The following ANXA13 variants were observed in gnomAD, a reference collection of about 807,000 sequenced individuals.
The protein encoded by ANXA13 is annexin XIII.
In ANXA13, 36 loss-of-function variants were observed where a neutral mutation model predicts 46.6. The ratio of observed to expected loss-of-function variants is 0.77; its 90% CI spans 0.59 to 1.02. The LOEUF (loss-of-function observed/expected upper bound fraction) is 1.02, where lower values mean the gene tolerates loss of function less well. Among genes scored for constraint, ANXA13 ranks in the 50% least tolerant of loss-of-function variants. ANXA13 has a pLI of 0.00. For synonymous variants in ANXA13, 163 were observed against 152.9 expected, an observed-to-expected ratio of 1.07 and a Z score of -0.49; for missense variants, 417 against 396.5, an observed-to-expected ratio of 1.05 and a Z score of -0.44.
At chr8:123,709,196 G>T (rs1417943958) in intron 2 of ANXA13, among the ~76,000 whole-genome samples, 1 of 152,164 alleles carries the variant, frequency 6.6e-6, no homozygotes, top group Non-Finnish European at 1.5e-5. Context: ...CGATCCACAT[G>T]CAACGAGGGC....
At chr8:123,722,774 G>A (rs532637652) in intron 1 of ANXA13, among the ~76,000 whole-genome samples, 1 of 152,298 alleles carries the variant, frequency 6.6e-6, no homozygotes, top group South Asian at 2.1e-4. Context: ...TGGACAGGGA[G>A]GTTTCATTAT....
chr8:123,712,524 T>C lies in ANXA13; in HGVS notation c.91+154A>G, dbSNP rs1045000699. 1.2e-5 allele frequency: 8 copies of C among 684,714 alleles called. No homozygotes were observed. In the African/African-American group the frequency reaches 1.4e-4, roughly 12 times the overall value. 42.4% of individuals were successfully genotyped at this position (684,714 alleles called of 1,614,324 possible). ...AGGATCCTACTGTAATTTTGCGAAC[T>C]TTAATAAAGAGGTTAGTGGAAGTGA... On this transcript the variant is annotated intron_variant, in intron 2 of 10. Coordinates refer to ENST00000419625, the MANE Select transcript of ANXA13 (RefSeq NM_004306.4).
intron 1 of ANXA13, among the ~76,000 whole-genome samples, chr8:123,723,982 G>A (rs184358228): frequency 3.9e-5 from 6 of 152,230 alleles, no homozygotes; most frequent in Admixed American, 2.0e-4. Context: ...TCCTGGTCTT[G>A]CTCCCAGTTT....
At chr8:123,694,681 T>C (rs773678266) in intron 6 of ANXA13, among the ~76,000 whole-genome samples, 5 of 152,204 alleles carry the variant, frequency 3.3e-5, no homozygotes, top group Admixed American at 1.3e-4. Flanking sequence ...TTTCAGCCTG[T>C]TGATAACCTG....
At chr8:123,722,563 C>T (rs1252026000) in intron 1 of ANXA13, among the ~76,000 whole-genome samples, 2 of 152,116 alleles carry the variant, frequency 1.3e-5, no homozygotes, top group Admixed American at 6.5e-5. Context: ...GAAGTCACCG[C>T]TATTTGCAAG....
chr8:123,713,443 T>C (rs1366957213), intron 1 of ANXA13, among the ~76,000 whole-genome samples: 1 of 152,236 alleles, frequency 6.6e-6, no homozygotes, highest in Non-Finnish European at 1.5e-5. Context: ...TGCTTATTAT[T>C]TTCTTTTAAA....
At chr8:123,693,007 AC>A (rs1813268030) in intron 8 of ANXA13, among the ~76,000 whole-genome samples, 189 bp downstream of exon 8, 1 of 151,434 alleles carries the variant, frequency 6.6e-6, no homozygotes, top group Non-Finnish European at 1.5e-5. Flanking sequence ...CAGGGCCACC[AC>A]CCCCAGCTGT....
intron 3 of ANXA13, among the ~76,000 whole-genome samples, chr8:123,701,041 C>T (rs777663790): frequency 6.6e-5 from 10 of 152,144 alleles, no homozygotes; most frequent in Non-Finnish European, 1.5e-4. Context: ...AACTCCTGGG[C>T]TCAAGTGATC....
intron 3 of ANXA13, among the ~76,000 whole-genome samples, chr8:123,699,064 T>C (rs779769982): frequency 6.6e-6 from 1 of 152,222 alleles, no homozygotes; most frequent in Non-Finnish European, 1.5e-5. Flanking sequence ...AGGATTGTCA[T>C]GGGAAGAACG....
intron 1 of ANXA13, chr8:123,735,638 T>C: frequency 7.9e-7 from 1 of 1,261,544 alleles, no homozygotes; most frequent in Non-Finnish European, 1.0e-6. Context: ...AAGTCACACC[T>C]GATGATGGCT....
chr8:123,687,236 C>T lies in ANXA13; in HGVS notation c.718+1635G>A, dbSNP rs528825532. Among the ~76,000 whole-genome samples the T allele has an allele frequency of 1.8e-4, 27 of 152,220 alleles. No individual in the cohort carries two copies. In the South Asian group the frequency reaches 2.1e-3, roughly 12 times the overall value. ...TTCTGACTGCACTCTGGTGTTTTCC[C>T]GATTCTCACAATGCAGGTATAGCAA... On this transcript the variant is annotated intron_variant, in intron 9 of 10. Transcript: ENST00000419625.
intron 1 of ANXA13, among the ~76,000 whole-genome samples, chr8:123,721,916 C>G (rs1323009403): frequency 6.6e-6 from 1 of 152,146 alleles, no homozygotes; most frequent in Non-Finnish European, 1.5e-5. Flanking sequence ...GATTCAAACC[C>G]ATGCAGTCTG....
intron 9 of ANXA13, 145 bp from the exon 10 acceptor site, chr8:123,684,867 C>A (rs536641648): frequency 3.2e-6 from 2 of 629,752 alleles, no homozygotes; most frequent in South Asian, 1.9e-5. Flanking sequence ...GACACCGTTG[C>A]GAAATGAGAT....
intron 1 of ANXA13, chr8:123,728,733 G>C (rs1814050483): frequency 6.6e-6 from 1 of 152,192 alleles, no homozygotes; most frequent in African/African-American, 2.4e-5. Flanking sequence ...GCAAATTTCT[G>C]TCTCAATCAG....
chr8:123,711,898 C>T (rs987337647), intron 2 of ANXA13: 1 of 152,500 alleles, frequency 6.6e-6, no homozygotes, highest in African/African-American at 2.4e-5. Flanking sequence ...CAGGCGTGAG[C>T]CACTGTGCCC....
At chr8:123,687,382 C>T (rs1290564910) in intron 9 of ANXA13, among the ~76,000 whole-genome samples, 1 of 152,138 alleles carries the variant, frequency 6.6e-6, no homozygotes, top group Non-Finnish European at 1.5e-5. Context: ...TTATTTATAT[C>T]CTACTGCTCA....
chr8:123,704,926 C>G (rs1813512783), intron 2 of ANXA13, among the ~76,000 whole-genome samples: 1 of 152,220 alleles, frequency 6.6e-6, no homozygotes, highest in Non-Finnish European at 1.5e-5. Context: ...GCCTCTAGCC[C>G]TAATCTCTCC....
intron 1 of ANXA13, chr8:123,735,610 A>T: frequency 1.8e-6 from 2 of 1,087,736 alleles, no homozygotes; most frequent in Non-Finnish European, 2.5e-6. Context: ...TTTTGCAGGG[A>T]AAGATTTCCC....
chr8:123,709,313 C>T (rs990550510), intron 2 of ANXA13, among the ~76,000 whole-genome samples: 1 of 151,792 alleles, frequency 6.6e-6, no homozygotes, highest in African/African-American at 2.4e-5. Context: ...TTCACTCTCC[C>T]TCCCTCCCTC....
Sources: allele counts gnomAD v4.1 joint callset (sites outside exome capture counted in the v4.1 genomes callset), GRCh38; gene constraint gnomAD v4.1.1; transcripts MANE v1.5; gene names NCBI Gene and HGNC (gene_info 2026-07-23, HGNC 2026-07-21).